LSAMP: variants seen among roughly 807,000 people sequenced by gnomAD.
LSAMP encodes limbic system associated membrane protein.
LSAMP carries 7 observed loss-of-function variants against 38.6 expected under a neutral mutation model. The ratio of observed to expected loss-of-function variants is 0.18; its 90% CI spans 0.10 to 0.34. The LOEUF (loss-of-function observed/expected upper bound fraction) is 0.34. Among genes scored for constraint, LSAMP ranks in the 10% least tolerant of loss-of-function variants. LSAMP has a pLI of 1.00. For synonymous variants in LSAMP, 154 were observed against 166.8 expected, an observed-to-expected ratio of 0.92 and a Z score of 0.59; for missense variants, 313 against 420.0, an observed-to-expected ratio of 0.75 and a Z score of 2.23.
At chr3:115,892,850 A>T (rs913448626) in intron 3 of LSAMP, among the ~76,000 whole-genome samples, 4 of 149,154 alleles carry the variant, frequency 2.7e-5, no homozygotes, top group African/African-American at 9.8e-5. Flanking sequence ...TATAATATAT[A>T]TTATTTTAAT....
chr3:116,116,871 C>G (rs1296507221), intron 1 of LSAMP, among the ~76,000 whole-genome samples: 1 of 152,144 alleles, frequency 6.6e-6, no homozygotes, highest in Non-Finnish European at 1.5e-5. Context: ...AACAGTCCAG[C>G]CTTCTAACCA....
intron 1 of LSAMP, among the ~76,000 whole-genome samples, chr3:116,090,353 A>G (rs565578068): frequency 1.1e-4 from 17 of 152,368 alleles, no homozygotes; most frequent in Middle Eastern, 3.4e-3. Context: ...TCTGGAAATA[A>G]GAAATGCTGA....
At chr3:116,009,214 A>G (rs1419534664) in intron 3 of LSAMP, among the ~76,000 whole-genome samples, 2 of 152,106 alleles carry the variant, frequency 1.3e-5, no homozygotes, top group African/African-American at 2.4e-5. Context: ...ACAATCTTCC[A>G]AACTATTTTG....
At chr3:116,384,653 C>G (rs2048602790) in intron 1 of LSAMP, among the ~76,000 whole-genome samples, 1 of 152,056 alleles carries the variant, frequency 6.6e-6, no homozygotes, top group East Asian at 1.9e-4. Flanking sequence ...GTGCATTGTT[C>G]TCAGTACATG....
At chr3:116,047,169 C>G (rs1180071108) in intron 2 of LSAMP, among the ~76,000 whole-genome samples, 1 of 152,134 alleles carries the variant, frequency 6.6e-6, no homozygotes, top group Non-Finnish European at 1.5e-5. Flanking sequence ...GATGACTACT[C>G]TCTCAACGAA....
At chr3:115,941,396 C>T (rs1024273150) in intron 3 of LSAMP, among the ~76,000 whole-genome samples, 1 of 152,036 alleles carries the variant, frequency 6.6e-6, no homozygotes, top group Admixed American at 6.6e-5. Flanking sequence ...ACAAAACTAC[C>T]ATATGATCCA....
intron 2 of LSAMP, among the ~76,000 whole-genome samples, chr3:116,060,334 C>T (rs1486722187): frequency 6.6e-6 from 1 of 151,676 alleles, no homozygotes; most frequent in Non-Finnish European, 1.5e-5. Flanking sequence ...AGAGGTAAAC[C>T]AACTATTCGG....
intron 6 of LSAMP, among the ~76,000 whole-genome samples, chr3:115,813,271 A>G (rs1422417067): frequency 6.6e-6 from 1 of 152,048 alleles, no homozygotes; most frequent in Non-Finnish European, 1.5e-5. Context: ...TTTTTACCAT[A>G]CCTTTCCTGT....
chr3:116,445,383 G>A lies in LSAMP; in HGVS notation c.-352C>T. 1 of 492,096 alleles carries A rather than the reference G, an allele frequency of 2.0e-6. No individual in the cohort carries two copies. Among genetic ancestry groups the A allele is most frequent in the East Asian group, 3.2e-5 (1 of 31,094 alleles). 30.5% of individuals were successfully genotyped at this position (492,096 alleles called of 1,614,324 possible). A position where few individuals can be genotyped will look rare whatever the true frequency, so the allele number is the denominator to read the frequency against. On this transcript the variant is annotated 5_prime_UTR_variant, in exon 1 of 7. Transcript: ENST00000490035. ...TGGATGCTCCTCTGCCAGTGTCTGA[G>A]CTGAGCTCCTTCGCTCTGTAACCCA...
intron 3 of LSAMP, among the ~76,000 whole-genome samples, chr3:115,912,019 T>C (rs907244559): frequency 3.9e-5 from 6 of 152,216 alleles, no homozygotes; most frequent in African/African-American, 1.4e-4. Flanking sequence ...AATTAGATTG[T>C]TTTTTGCTGG....
intron 3 of LSAMP, among the ~76,000 whole-genome samples, chr3:115,864,838 T>C (rs1393420053): frequency 6.6e-6 from 1 of 152,216 alleles, no homozygotes; most frequent in Non-Finnish European, 1.5e-5. Context: ...ACGGTCAGGC[T>C]GTGCAGTATT....
intron 3 of LSAMP, among the ~76,000 whole-genome samples, chr3:115,890,785 T>G (rs1936578873): frequency 6.6e-6 from 1 of 151,924 alleles, no homozygotes; most frequent in South Asian, 2.1e-4. Flanking sequence ...GAAAAGAGTT[T>G]CATGCAGCCA....
chr3:116,028,903 G>A (rs375735090), intron 2 of LSAMP, among the ~76,000 whole-genome samples: 1 of 152,164 alleles, frequency 6.6e-6, no homozygotes, highest in African/African-American at 2.4e-5. Context: ...ATTATGGAGA[G>A]CTATGCCAGT....
intron 1 of LSAMP, among the ~76,000 whole-genome samples, chr3:116,392,589 G>A (rs2048718107): frequency 6.6e-6 from 1 of 152,238 alleles, no homozygotes; most frequent in Non-Finnish European, 1.5e-5. Flanking sequence ...AAAAGCCTGG[G>A]CATCAGCAAG....
At chr3:115,878,745 A>G (rs1936250448) in intron 3 of LSAMP, among the ~76,000 whole-genome samples, 1 of 152,060 alleles carries the variant, frequency 6.6e-6, no homozygotes, top group African/African-American at 2.4e-5. Context: ...TACAGGCGTG[A>G]GCCACCACAT....
At chr3:115,931,599 C>T (rs911739117) in intron 3 of LSAMP, among the ~76,000 whole-genome samples, 7 of 152,116 alleles carry the variant, frequency 4.6e-5, no homozygotes, top group Non-Finnish European at 8.8e-5. Context: ...CTTGTCATGA[C>T]CTATCTTTAA....
chr3:116,013,926 A>G (rs989860548), intron 3 of LSAMP, among the ~76,000 whole-genome samples: 1 of 152,106 alleles, frequency 6.6e-6, no homozygotes, highest in South Asian at 2.1e-4. Context: ...GCTAGGTCCT[A>G]TTCATCCTTG....
chr3:116,020,653 C>G (rs1417970534), intron 2 of LSAMP, among the ~76,000 whole-genome samples: 3 of 152,176 alleles, frequency 2.0e-5, no homozygotes, highest in Non-Finnish European at 2.9e-5. Flanking sequence ...GTCTGACTTC[C>G]TTCATTAGTG....
chr3:116,438,060 C>A (rs200615711), intron 1 of LSAMP, among the ~76,000 whole-genome samples: 2,560 of 125,550 alleles, frequency 0.02, 1 homozygote, highest in East Asian at 0.026. Context: ...CAGGTAACTA[C>A]AAAAAAAAAA....
Sources: allele counts gnomAD v4.1 joint callset (sites outside exome capture counted in the v4.1 genomes callset), GRCh38; gene constraint gnomAD v4.1.1; transcripts MANE v1.5; gene names NCBI Gene and HGNC (gene_info 2026-07-23, HGNC 2026-07-21).